STAT4: variants seen among roughly 807,000 people sequenced by gnomAD.
The protein encoded by STAT4 is signal transducer and activator of transcription 4.
A neutral mutation model predicts 110.5 loss-of-function variants in STAT4; 42 were observed. The observed-to-expected ratio is 0.38, with a 90% CI of 0.30 to 0.49. The LOEUF (loss-of-function observed/expected upper bound fraction) is 0.49, where lower values mean the gene tolerates loss of function less well. Among genes scored for constraint, STAT4 ranks in the 20% least tolerant of loss-of-function variants. STAT4 has a pLI of 0.95. For missense variants in STAT4, 632 were observed against 887.9 expected (o/e 0.71, Z 3.66); for synonymous variants, 284 against 302.2 (o/e 0.94, Z 0.63).
intron 3 of STAT4, among the ~76,000 whole-genome samples, chr2:191,103,551 T>C (rs575320436): frequency 3.3e-5 from 5 of 152,222 alleles, no homozygotes; most frequent in Admixed American, 2.6e-4. Flanking sequence ...TCAGAATCCA[T>C]AAAAGCAAAA....
At position 191,033,486 on chromosome 2, in the gene STAT4, A is replaced by T. The variant is rs1475073280; in HGVS notation, c.1852+4T>A. The T allele has an allele frequency of 6.2e-7, 1 of 1,608,600 alleles. No individual in the cohort carries two copies. Among genetic ancestry groups the T allele is most frequent in the Non-Finnish European group, 8.5e-7 (1 of 1,178,558 alleles). On this transcript the variant is annotated splice_donor_region_variant and intron_variant, in intron 20 of 23. Transcript: ENST00000392320. The surrounding 1 kb of genome is among the most constrained non-coding windows in gnomAD (Gnocchi z 6.9). Reference sequence around the variant, plus strand: ...CACATGAATAAACATTAGTGAGTATATACCACTTTCAGAATGGTCCACCCA... The same window carrying T: ...CACATGAATAAACATTAGTGAGTATTTACCACTTTCAGAATGGTCCACCCA...
rs1699456756 is a variant in STAT4, at chr2:191,146,251, A to G, written c.273+362T>C. ...GATGCTCTCATTTAGGAATGAGAACAATACTAACTCTAACTTGTTACCTAA... is the reference window on the plus strand; with the variant it reads ...GATGCTCTCATTTAGGAATGAGAACGATACTAACTCTAACTTGTTACCTAA... On this transcript the variant is annotated intron_variant, in intron 3 of 23. Coordinates refer to ENST00000392320, the MANE Select transcript of STAT4 (RefSeq NM_003151.4). The surrounding 1 kb of genome is among the most constrained non-coding windows in gnomAD (Gnocchi z 4.5). Among the ~76,000 whole-genome samples the G allele has an allele frequency of 6.6e-6, 1 of 152,164 alleles. No homozygotes were observed. The highest frequency in any genetic ancestry group is 1.5e-5 in the Non-Finnish European group (1 of 68,020).
intron 3 of STAT4, among the ~76,000 whole-genome samples, chr2:191,084,918 C>T (rs1697593557): frequency 1.3e-5 from 2 of 151,608 alleles, no homozygotes; most frequent in South Asian, 2.1e-4. Context: ...TTTATTTATT[C>T]ATAAGGTTTT....
intron 3 of STAT4, among the ~76,000 whole-genome samples, chr2:191,128,771 T>C (rs1033706518): frequency 5.3e-5 from 8 of 152,190 alleles, no homozygotes; most frequent in Non-Finnish European, 1.2e-4. Context: ...AAATACTGTA[T>C]AGGCAGTGAG....
chr2:191,029,757 A>G lies in STAT4; in HGVS notation c.*83T>C. The stretch of plus-strand genomic sequence containing the variant: ...GAACCTGGTATTTACAAAGCTGAAG[A>G]AATAAAATGTGGTTATTGGGCAAAG... On this transcript the variant is annotated 3_prime_UTR_variant, in exon 24 of 24. Coordinates refer to ENST00000392320, the MANE Select transcript of STAT4 (RefSeq NM_003151.4). This position sits in a 1 kb window ranked among gnomAD's most constrained non-coding sequence, Gnocchi z 4.5. 1 of 1,268,648 alleles carries G rather than the reference A, an allele frequency of 7.9e-7. No homozygotes were observed. The highest frequency in any genetic ancestry group is 1.1e-6 in the Non-Finnish European group (1 of 888,866). The allele number at this position is 1,268,648 out of a possible 1,614,324, so 78.6% of individuals were successfully genotyped here.
intron 13 of STAT4, among the ~76,000 whole-genome samples, chr2:191,057,701 T>G (rs1574716104): frequency 6.6e-6 from 1 of 150,692 alleles, no homozygotes; most frequent in South Asian, 2.1e-4. Flanking sequence ...CGGGTTCAAG[T>G]GATTCTCCTG....
intron 18 of STAT4, among the ~76,000 whole-genome samples, 157 bp from the exon 19 acceptor site, chr2:191,034,162 C>T (rs1695976691): frequency 6.6e-6 from 1 of 152,134 alleles, no homozygotes; most frequent in Admixed American, 6.5e-5. Context: ...GTGGCTCATG[C>T]CTGTAATCCC....
At position 191,131,397 on chromosome 2, in the gene STAT4, T is replaced by C. The variant is rs574899653; in HGVS notation, c.273+15216A>G. On this transcript the variant is annotated intron_variant, in intron 3 of 23. Transcript: ENST00000392320. ...TATGCAGCAATGAAAATGAATAAAC[T>C]ACTGCTACGCACATCTGTATGGATG... 12 of 153,880 alleles carry C rather than the reference T, an allele frequency of 7.8e-5. 1 individual carries two copies. Among genetic ancestry groups the C allele is most frequent in the African/African-American group, 2.9e-4 (12 of 41,284 alleles). 9.5% of individuals were successfully genotyped at this position (153,880 alleles called of 1,614,324 possible). A position where few individuals can be genotyped will look rare whatever the true frequency, so the allele number is the denominator to read the frequency against.
At chr2:191,054,910 C>A (rs923275922) in intron 13 of STAT4, among the ~76,000 whole-genome samples, 1 of 151,990 alleles carries the variant, frequency 6.6e-6, no homozygotes, top group African/African-American at 2.4e-5. Flanking sequence ...CCAAGTCTAA[C>A]GAAGACTAGA....
In STAT4 at chr2:191,066,018, A is replaced by G. The variant is rs2125240329; in HGVS notation, c.630+412T>C. On this transcript the variant is annotated intron_variant, in intron 7 of 23. Coordinates refer to ENST00000392320, the MANE Select transcript of STAT4 (RefSeq NM_003151.4). The surrounding 1 kb of genome is among the most constrained non-coding windows in gnomAD (Gnocchi z 4.3). ...TGCTTAACACTACGTCATTTCTCAGAGTAGAAACTAGAACACTTATTTTTC... is the reference window on the plus strand; with the variant it reads ...TGCTTAACACTACGTCATTTCTCAGGGTAGAAACTAGAACACTTATTTTTC... Among the ~76,000 whole-genome samples the G allele has an allele frequency of 6.6e-6, 1 of 152,340 alleles. No individual in the cohort carries two copies. The highest frequency in any genetic ancestry group is 2.4e-5 in the African/African-American group (1 of 41,580).
intron 3 of STAT4, among the ~76,000 whole-genome samples, chr2:191,124,119 C>A (rs148656212): frequency 8.5e-5 from 13 of 152,050 alleles, no homozygotes. Context: ...TGCAATAAGG[C>A]AATATTCATA....
At position 191,101,714 on chromosome 2, in the gene STAT4, A is replaced by G. The variant is rs542737565; in HGVS notation, c.274-25389T>C. ...ATTTTTTTTTGTATTTATAATTTTT[A>G]CTTTATATGTTGAGTTAATATTACT... On this transcript the variant is annotated intron_variant, in intron 3 of 23. Transcript: ENST00000392320. Among the ~76,000 whole-genome samples, 6 of 152,048 alleles carry G rather than the reference A, an allele frequency of 3.9e-5. No individual in the cohort carries two copies. The South Asian group carries it at 1.2e-3, about 32-fold the overall frequency.
chr2:191,093,731 GA>G (rs1390561203), intron 3 of STAT4, among the ~76,000 whole-genome samples: 1 of 152,182 alleles, frequency 6.6e-6, no homozygotes, highest in Non-Finnish European at 1.5e-5. Flanking sequence ...GCTGGACGGA[GA>G]AATGACTTTG....
intron 17 of STAT4, among the ~76,000 whole-genome samples, 153 bp from the exon 18 acceptor site, chr2:191,034,750 AC>A (rs2125146474): frequency 6.6e-6 from 1 of 152,352 alleles, no homozygotes; most frequent in African/African-American, 2.4e-5. Flanking sequence ...CAGTACAAAT[AC>A]AAGACATCAT....
rs142533933 is a variant in STAT4, at chr2:191,060,255, G to A, written c.1034+1474C>T. Among the ~76,000 whole-genome samples the A allele has an allele frequency of 9.1e-4, 139 of 152,254 alleles. No homozygotes were observed. The highest frequency in any genetic ancestry group is 2.6e-3 in the African/African-American group (110 of 41,550). On this transcript the variant is annotated intron_variant, in intron 10 of 23. Coordinates refer to ENST00000392320, the MANE Select transcript of STAT4 (RefSeq NM_003151.4). This position sits in a 1 kb window ranked among gnomAD's most constrained non-coding sequence, Gnocchi z 4.5. ...TACTCATCTCCCCTTTTGTCCCAGA[G>A]AGCATCTTAGACTTACTATATCATC...
chr2:191,068,069 C>T (rs1303875990), intron 6 of STAT4: 3 of 152,128 alleles, frequency 2.0e-5, no homozygotes, highest in Non-Finnish European at 4.4e-5. Context: ...CCTTTCCCGT[C>T]TTCACCAAGG....
In STAT4 at chr2:191,050,133, A is replaced by G. The variant is rs970972835; in HGVS notation, c.1251+4357T>C. Among the ~76,000 whole-genome samples the G allele has an allele frequency of 1.3e-5, 2 of 152,230 alleles. No individual in the cohort carries two copies. The highest frequency in any genetic ancestry group is 2.9e-5 in the Non-Finnish European group (2 of 68,044). ...ACCTCAGTCTGTGGCTAAAACTGTCATTTATCAGTTAAAGCCCACTGACAA... is the reference window on the plus strand; with the variant it reads ...ACCTCAGTCTGTGGCTAAAACTGTCGTTTATCAGTTAAAGCCCACTGACAA... On this transcript the variant is annotated intron_variant, in intron 14 of 23. Transcript: ENST00000392320. The surrounding 1 kb of genome is among the most constrained non-coding windows in gnomAD (Gnocchi z 4.3).
chr2:191,072,751 G>A (rs887902943), intron 5 of STAT4, among the ~76,000 whole-genome samples: 15 of 151,920 alleles, frequency 9.9e-5, no homozygotes, highest in Non-Finnish European at 1.8e-4. Context: ...ATGTTACTAC[G>A]GATTCTACAG....
intron 7 of STAT4, among the ~76,000 whole-genome samples, chr2:191,065,546 C>A (rs1317360650): frequency 6.6e-6 from 1 of 152,086 alleles, no homozygotes; most frequent in African/African-American, 2.4e-5. Flanking sequence ...GTTGAATGAA[C>A]TGAATTATTG....
Sources: gnomAD v4.1 joint callset for allele counts (sites outside exome capture counted in the v4.1 genomes callset) on GRCh38, gnomAD v4.1.1 for gene constraint, Gnocchi (gnomAD v3.1) non-coding constraint, MANE v1.5 for transcripts, NCBI Gene and HGNC (gene_info 2026-07-23, HGNC 2026-07-21) for gene names.